OTUD5: variants seen among roughly 807,000 people sequenced by gnomAD.
OTUD5 encodes OTU domain-containing protein 5.
A neutral mutation model predicts 36.3 loss-of-function variants in OTUD5; 2 were observed. That is an observed-to-expected ratio of 0.06 (90% CI 0.02 to 0.17). The LOEUF is 0.17. OTUD5 is among the 10% of genes least tolerant of loss of function. OTUD5 has a pLI of 1.00. For synonymous variants in OTUD5, 234 were observed against 214.9 expected (o/e 1.09, Z -0.78); for missense variants, 233 against 512.3 (o/e 0.45, Z 5.26).
chrX:48,942,244 TACACACACAC>T (rs1188711919), intron 2 of OTUD5, among the ~76,000 whole-genome samples: 4 of 57,104 alleles, frequency 7.0e-5, no homozygotes, highest in African/African-American at 1.5e-4. Flanking sequence ...CACACACACA[TACACACACAC>T]ACACACACAC....
chrX:48,924,160 T>A, intron 6 of OTUD5, 108 bp from the exon 7 acceptor site: 1 of 719,411 alleles, frequency 1.4e-6, no homozygotes, highest in East Asian at 3.5e-5. Context: ...ATGATACAGC[T>A]TCTATGTAGG....
Position 48,923,856 on chromosome X carries a change from G to A in OTUD5, c.1460C>T (p.Ala487Val), listed in dbSNP as rs367931579. ...CCTGTGGGCAAGTCACTGACCTGGC[G>A]CACAGGGCGAAGGAGGTTTGGCAAG... is the stretch of plus-strand genomic sequence containing the variant. ...LALAKPPSPC[A>V]PGTSSQFSAG... is the part of the protein sequence containing the mutation. The change falls in exon 7 of 9, where the codon GCG becomes GTG. Residue 487 changes from alanine to valine, a missense_variant. By Grantham distance (64) the Ala-to-Val change is moderately conservative. Around this residue, in one of 3 missense-constraint regions of OTUD5, gnomAD observed 57 missense variants for 133.1 expected, o/e 0.43. Transcript: ENST00000376488. The A allele has an allele frequency of 8.3e-7, 1 of 1,209,786 alleles. No individual in the cohort carries two copies. Among genetic ancestry groups the A allele is most frequent in the Non-Finnish European group, 1.1e-6 (1 of 894,458 alleles).
In OTUD5 at chrX:48,923,109, G is replaced by T; in HGVS notation, c.*65C>A. The T allele has an allele frequency of 8.3e-7, 1 of 1,207,199 alleles. No homozygotes were observed. Among genetic ancestry groups the T allele is most frequent in the Non-Finnish European group, 1.1e-6 (1 of 892,746 alleles). On this transcript the variant is annotated 3_prime_UTR_variant, in exon 9 of 9. Coordinates refer to ENST00000376488, the MANE Select transcript of OTUD5 (RefSeq NM_001136157.2). ...GGCAAGAGGGAAGAAGCCAAAGAAG[G>T]TGAGGTGGCACCGGAGAGCAGGAGT...
chrX:48,947,304 G>C (rs781792832), intron 1 of OTUD5, among the ~76,000 whole-genome samples: 106 of 110,918 alleles, frequency 9.6e-4, no homozygotes, highest in African/African-American at 3.4e-3. Context: ...AGAATCGCTT[G>C]AACCTGGGAG....
intron 1 of OTUD5, among the ~76,000 whole-genome samples, chrX:48,950,426 C>G (rs782632140): frequency 9.0e-6 from 1 of 110,733 alleles, no homozygotes; most frequent in South Asian, 3.8e-4. Flanking sequence ...TAAATTCTCC[C>G]TGAGAGCTTC....
intron 1 of OTUD5, among the ~76,000 whole-genome samples, chrX:48,947,043 G>C (rs1461368511): frequency 1.8e-5 from 2 of 112,041 alleles, no homozygotes; most frequent in East Asian, 5.6e-4. Flanking sequence ...ACCACCACAA[G>C]GTATGAACAA....
chrX:48,948,297 C>T (rs1312580549), intron 1 of OTUD5, among the ~76,000 whole-genome samples: 1 of 111,808 alleles, frequency 8.9e-6, no homozygotes, highest in Non-Finnish European at 1.9e-5. Flanking sequence ...TGCAGTGAGC[C>T]GAGATGGCAC....
upstream of OTUD5, chrX:48,958,379 A>G (rs1482418801): frequency 1.8e-5 from 2 of 112,252 alleles, no homozygotes; most frequent in Non-Finnish European, 3.8e-5. Flanking sequence ...TGGCCCCTGT[A>G]GCGTCACTTC....
intron 1 of OTUD5, among the ~76,000 whole-genome samples, chrX:48,950,631 C>A (rs1475397238): frequency 1.9e-5 from 2 of 105,615 alleles, no homozygotes; most frequent in African/African-American, 7.0e-5. Context: ...CAACCCCCAC[C>A]TCACTGCAAC....
At chrX:48,955,627 G>A (rs367935987) in intron 1 of OTUD5, among the ~76,000 whole-genome samples, 1 of 110,717 alleles carries the variant, frequency 9.0e-6, no homozygotes, top group Non-Finnish European at 1.9e-5. Context: ...ATCATCTCTG[G>A]GATCCCATGT....
chrX:48,954,522 A>T, intron 1 of OTUD5, among the ~76,000 whole-genome samples: 1 of 111,597 alleles, frequency 9.0e-6, no homozygotes, highest in East Asian at 2.8e-4. Context: ...AGAGAGAAGA[A>T]ATAACTGGTC....
chrX:48,925,797 T>C (rs782531374), intron 6 of OTUD5, 50 bp downstream of exon 6: 2 of 1,029,762 alleles, frequency 1.9e-6, no homozygotes, highest in East Asian at 3.2e-5. Flanking sequence ...GGGCAAAGCA[T>C]GAGAAGTAAT....
At chrX:48,954,113 C>T (rs1207183369) in intron 1 of OTUD5, among the ~76,000 whole-genome samples, 1 of 111,000 alleles carries the variant, frequency 9.0e-6, no homozygotes, top group Non-Finnish European at 1.9e-5. Context: ...ACCCACAAAA[C>T]TTGATTTTCA....
At chrX:48,923,778 C>T in intron 7 of OTUD5, 32 bp from the exon 8 acceptor site, 1 of 1,179,372 alleles carries the variant, frequency 8.5e-7, no homozygotes, top group South Asian at 1.8e-5. Flanking sequence ...AGGTAGGGAC[C>T]CAGGATCCAG....
At chrX:48,943,175 T>TTGGTAGA (rs1466311104) in intron 2 of OTUD5, among the ~76,000 whole-genome samples, 1 of 111,626 alleles carries the variant, frequency 9.0e-6, no homozygotes, top group Admixed American at 9.5e-5. Context: ...GCACTTTTCC[T>TTGGTAGA]TGGTAGATAT....
chrX:48,939,242 A>G (rs2063878685), intron 2 of OTUD5, among the ~76,000 whole-genome samples: 1 of 109,621 alleles, frequency 9.1e-6, no homozygotes, highest in South Asian at 3.9e-4. Flanking sequence ...CATCTTAGTC[A>G]CCTTACTCCC....
Position 48,923,008 on chromosome X carries a change from A to G in OTUD5, c.*166T>C, listed in dbSNP as rs1461299009. 5 of 1,100,988 alleles carry G rather than the reference A, an allele frequency of 4.5e-6. No individual in the cohort carries two copies. In the Middle Eastern group the frequency reaches 1.1e-3, roughly 239 times the overall value. The allele number at this position is 1,100,988 out of a possible 1,213,427, so 90.7% of individuals were successfully genotyped here. On this transcript the variant is annotated 3_prime_UTR_variant, in exon 9 of 9. Coordinates refer to ENST00000376488, the MANE Select transcript of OTUD5 (RefSeq NM_001136157.2). ...AGGTGATAGTGGCAGCGGCAATGAG[A>G]GAGAGTGCAGGGGTGGGCTAGCCAG...
rs782608270 is a variant in OTUD5 at position 48,934,545 on chromosome X, C to T, written c.978G>A (p.Arg326=). The change falls in exon 5 of 9, where the codon CGG becomes CGA. Residue 326 remains arginine, a synonymous_variant. Transcript: ENST00000376488. ...TCACCACTGAATTATAGTGGATATT[C>T]CGATGGTAGCTAACACGAATGGGTT... The part of the protein sequence containing the change: ...EDEPIRVSYH[R]NIHYNSVVNP... 2.5e-6 allele frequency: 3 copies of T among 1,206,333 alleles called. No individual in the cohort carries two copies. In the African/African-American group the frequency reaches 5.3e-5, roughly 21 times the overall value.
At chrX:48,955,967 A>C (rs782257382) in intron 1 of OTUD5, among the ~76,000 whole-genome samples, 1 of 109,770 alleles carries the variant, frequency 9.1e-6, no homozygotes, top group South Asian at 3.9e-4. Context: ...GTCTCTAAAA[A>C]CCTCAGTCCA....
Sources: allele counts gnomAD v4.1 joint callset (sites outside exome capture counted in the v4.1 genomes callset), GRCh38; gene constraint gnomAD v4.1.1; regional missense constraint gnomAD v4.1.1; transcripts MANE v1.5; gene names NCBI Gene and HGNC (gene_info 2026-07-23, HGNC 2026-07-21).